Variants in ZCCHC9 observed in about 807,000 individuals in gnomAD.
ZCCHC9 encodes the protein zinc finger CCHC-type containing 9.
ZCCHC9 carries 18 observed loss-of-function variants against 30.8 expected under a neutral mutation model. That is an observed-to-expected ratio of 0.58 (90% CI 0.40 to 0.87). The LOEUF (loss-of-function observed/expected upper bound fraction) is 0.87. Ranked by LOEUF, ZCCHC9 falls within the 40% of genes least tolerant of loss-of-function variation. The probability of loss-of-function intolerance (pLI) is 0.00; values close to 1 mark genes in which losing one functional copy is unlikely to be tolerated. For synonymous variants in ZCCHC9, 94 were observed against 106.7 expected (o/e 0.88, Z 0.73); for missense variants, 279 against 331.2 (o/e 0.84, Z 1.22).
In ZCCHC9 at chr5:81,308,611, C is replaced by T. The variant is rs1055383; in HGVS notation, c.435C>T (p.Ala145=). 0.19 allele frequency: 307,552 copies of T among 1,612,300 alleles called. 31,343 individuals are homozygous for T. Among genetic ancestry groups the T allele is most frequent in the Admixed American group, 0.32 (19,114 of 59,544 alleles). ...KPGHGIADCP[A]ALENQDMGTG... ...GTCATGGAATTGCAGATTGCCCCGC[C>T]GCCCTTGAAAATCAAGACATGGGCA... The change falls in exon 3 of 6, where the codon GCC becomes GCT. Residue 145 remains alanine (A), a synonymous_variant. Transcript: ENST00000407610.
chr5:81,303,462 T>C (rs1419629854), intron 1 of ZCCHC9: 1 of 152,252 alleles, frequency 6.6e-6, no homozygotes, highest in Admixed American at 6.5e-5. Flanking sequence ...TTTTTGTTGT[T>C]ATAAACTAAG....
At chr5:81,302,640 CTA>C (rs2112865530) in intron 1 of ZCCHC9, 1 of 152,382 alleles carries the variant, frequency 6.6e-6, no homozygotes, top group African/African-American at 2.4e-5. Context: ...CCTGTTACTC[CTA>C]GTCTACAGAC....
intron 4 of ZCCHC9, 62 bp from the exon 5 acceptor site, chr5:81,311,149 T>G: frequency 3.9e-4 from 608 of 1,543,290 alleles, no homozygotes; most frequent in Non-Finnish European, 5.0e-4. Context: ...GAAAGTGCTT[T>G]GAGATGTTAA....
At chr5:81,305,633 A>T (rs1007228758) in intron 2 of ZCCHC9, among the ~76,000 whole-genome samples, 4 of 151,238 alleles carry the variant, frequency 2.6e-5, no homozygotes, top group African/African-American at 9.7e-5. Context: ...GTGGTGGTAC[A>T]CACCTGTGAT....
At position 81,309,038 on chromosome 5, in the gene ZCCHC9, G is replaced by C; in HGVS notation, c.628G>C (p.Gly210Arg). 6.2e-7 allele frequency: 1 copy of C among 1,606,948 alleles called. No homozygotes were observed. The highest frequency in any genetic ancestry group is 1.1e-5 in the South Asian group (1 of 89,578). ...PDNPKGLYAD[G>R]GGCKLCGSVE... ...TAATCCCAAAGGACTCTATGCTGATGGTAAGTACTGTTACCCTCATATAGC... is the reference window on the plus strand; with the variant it reads ...TAATCCCAAAGGACTCTATGCTGATCGTAAGTACTGTTACCCTCATATAGC... The change falls in exon 4 of 6, where the codon GGT (glycine) becomes CGT (arginine). Residue 210 changes from glycine to arginine, a missense_variant and splice_region_variant. Transcript: ENST00000407610.
At chr5:81,307,472 T>C (rs1758110829) in intron 2 of ZCCHC9, among the ~76,000 whole-genome samples, 1 of 150,084 alleles carries the variant, frequency 6.7e-6, no homozygotes, top group African/African-American at 2.5e-5. Context: ...GCCAACATGA[T>C]GAAATCCCAT....
At chr5:81,306,032 A>G (rs183659158) in intron 2 of ZCCHC9, among the ~76,000 whole-genome samples, 32 of 152,312 alleles carry the variant, frequency 2.1e-4, no homozygotes, top group African/African-American at 7.5e-4. Flanking sequence ...TACATTCAGA[A>G]GAATGCTGGG....
Position 81,311,514 on chromosome 5 carries a change from A to G in ZCCHC9, c.697+235A>G, listed in dbSNP as rs1758286820. On this transcript the variant is annotated intron_variant, in intron 5 of 5. Coordinates refer to ENST00000407610, the MANE Select transcript of ZCCHC9 (RefSeq NM_001131035.2). Reference sequence around the variant, plus strand: ...TTAGGGGACCCTGACTTTATAAGACACCTGATTCATAAGCATTTATATTTG... The same window carrying G: ...TTAGGGGACCCTGACTTTATAAGACGCCTGATTCATAAGCATTTATATTTG... Among the ~76,000 whole-genome samples the G allele has an allele frequency of 2.0e-5, 3 of 152,148 alleles. No individual in the cohort carries two copies. The South Asian group carries it at 6.2e-4, about 32-fold the overall frequency.
intron 2 of ZCCHC9, 54 bp downstream of exon 2, chr5:81,305,195 T>C: frequency 6.5e-7 from 1 of 1,534,294 alleles, no homozygotes; most frequent in Non-Finnish European, 8.7e-7. Context: ...GAAACTATTC[T>C]TATATTCACA....
chr5:81,312,719 G>C lies in ZCCHC9; in HGVS notation c.*57G>C. 7.6e-7 allele frequency: 1 copy of C among 1,316,180 alleles called. No homozygotes were observed. Among genetic ancestry groups the C allele is most frequent in the South Asian group, 1.2e-5 (1 of 80,646 alleles). The allele number at this position is 1,316,180 out of a possible 1,614,324, so 81.5% of individuals were successfully genotyped here. A position where few individuals can be genotyped will look rare whatever the true frequency, so the allele number is the denominator to read the frequency against. On this transcript the variant is annotated 3_prime_UTR_variant, in exon 6 of 6. Transcript: ENST00000407610. The stretch of plus-strand genomic sequence containing the variant: ...CATTGTTACTTTCTAAACCAGGCCC[G>C]CTTCACGAGTTAGAGTTGAGCTCCC...
intron 5 of ZCCHC9, among the ~76,000 whole-genome samples, chr5:81,312,200 C>T (rs1257821396): frequency 6.6e-6 from 1 of 152,168 alleles, no homozygotes; most frequent in Admixed American, 6.5e-5. Context: ...GAATCTTGTG[C>T]ATTTAAAACT....
rs762344774 is a variant in ZCCHC9 at position 81,304,773 on chromosome 5, C to T, written c.16C>T (p.Arg6Ter). 2.5e-6 allele frequency: 4 copies of T among 1,582,000 alleles called. No individual in the cohort carries two copies. Among genetic ancestry groups the T allele is most frequent in the South Asian group, 2.3e-5 (2 of 85,816 alleles). ...TGATGAAATTATGACCAGGTGGGCC[C>T]GAGTTAGTACCACATATAACAAGAG... The part of the protein sequence containing the change: MTRWA[R>*]VSTTYNKRPL... The change falls in exon 2 of 6, where the codon CGA becomes TGA. Residue 6 changes from arginine (R) to a stop codon, truncating the protein, a stop_gained. Coordinates refer to ENST00000407610, the MANE Select transcript of ZCCHC9 (RefSeq NM_001131035.2). LOFTEE classifies it high-confidence loss of function.
chr5:81,308,392 G>C (rs371814106), intron 2 of ZCCHC9, 169 bp from the exon 3 acceptor site: 1 of 730,972 alleles, frequency 1.4e-6, no homozygotes, highest in African/African-American at 1.8e-5. Flanking sequence ...TGATGGAAAG[G>C]ATATCTCGTT....
intron 3 of ZCCHC9, 46 bp downstream of exon 3, chr5:81,308,757 A>G: frequency 6.3e-7 from 1 of 1,578,446 alleles, no homozygotes; most frequent in Non-Finnish European, 8.6e-7. Context: ...GGGAAAGCCA[A>G]TAAATAGCAC....
At chr5:81,304,217 T>C (rs1758031095) in intron 1 of ZCCHC9, 1 of 152,416 alleles carries the variant, frequency 6.6e-6, no homozygotes, top group African/African-American at 2.4e-5. Flanking sequence ...AACACTTTTA[T>C]ATGTTTTACT....
At chr5:81,306,100 G>T (rs1243882939) in intron 2 of ZCCHC9, among the ~76,000 whole-genome samples, 1 of 152,186 alleles carries the variant, frequency 6.6e-6, no homozygotes, top group African/African-American at 2.4e-5. Context: ...GTCAGGCAAA[G>T]GGGATGAAAT....
At position 81,312,609 on chromosome 5, in the gene ZCCHC9, G is replaced by A. The variant is rs545081712; in HGVS notation, c.763G>A (p.Val255Ile). The change falls in exon 6 of 6, where the codon GTA (valine) becomes ATA (isoleucine). Residue 255 changes from valine to isoleucine, a missense_variant. Val to Ile is a conservative substitution (Grantham distance 29). Coordinates refer to ENST00000407610, the MANE Select transcript of ZCCHC9 (RefSeq NM_001131035.2). ...TGCAGACTATGAAGAAATTTTGGAT[G>A]TACCTAAACCGCAAAAACCCAAAAC... ...MSADYEEILD[V>I]PKPQKPKTKI... The A allele has an allele frequency of 7.5e-5, 121 of 1,613,930 alleles. No individual in the cohort carries two copies. The South Asian group carries it at 1.3e-3, about 17-fold the overall frequency.
intron 2 of ZCCHC9, 191 bp from the exon 3 acceptor site, chr5:81,308,369 CA>C: frequency 1.7e-6 from 1 of 589,140 alleles, no homozygotes; most frequent in Non-Finnish European, 2.7e-6. Context: ...TTTTCAAAAG[CA>C]ATGAAACCCT....
chr5:81,308,022 A>AAATCTATCTATCT lies in ZCCHC9; in HGVS notation c.385-538_385-537insATCTATCTATCTA, dbSNP rs34237879. Among the ~76,000 whole-genome samples the AAATCTATCTATCT allele has an allele frequency of 2.9e-3, 198 of 68,340 alleles. 12 individuals are homozygous for AAATCTATCTATCT. The highest frequency in any genetic ancestry group is 3.3e-3 in the South Asian group (6 of 1,796). The allele number at this position is 68,340 out of a possible 152,430, so 44.8% of individuals were successfully genotyped here. Reference sequence around the variant, plus strand: ...AAAAAAAAAAAAAAAAAAAAAAAAAAATCTATCTATCTATCTATCTATCTA... The same window carrying AAATCTATCTATCT: ...AAAAAAAAAAAAAAAAAAAAAAAAAAAATCTATCTATCTATCTATCTATCTATCTATCTATCTA... On this transcript the variant is annotated intron_variant, in intron 2 of 5. Coordinates refer to ENST00000407610, the MANE Select transcript of ZCCHC9 (RefSeq NM_001131035.2).
Sources: allele counts gnomAD v4.1 joint callset (sites outside exome capture counted in the v4.1 genomes callset), GRCh38; gene constraint gnomAD v4.1.1; transcripts MANE v1.5; gene names NCBI Gene and HGNC (gene_info 2026-07-23, HGNC 2026-07-21).